Variants in LIN9 observed in about 807,000 individuals in gnomAD.
The protein encoded by LIN9 is protein lin-9 homolog.
A neutral mutation model predicts 78.0 loss-of-function variants in LIN9; 18 were observed. The observed-to-expected ratio is 0.23, with a 90% confidence interval of 0.16 to 0.34. The LOEUF is 0.34. LIN9 is among the 10% of genes least tolerant of loss of function. The pLI is 1.00. For synonymous variants in LIN9, 192 were observed against 215.2 expected (o/e 0.89, Z 0.94); for missense variants, 451 against 644.1 (o/e 0.70, Z 3.25).
intron 10 of LIN9, among the ~76,000 whole-genome samples, chr1:226,256,243 A>T (rs993578243): frequency 6.6e-6 from 1 of 151,974 alleles, no homozygotes; most frequent in South Asian, 2.1e-4. Context: ...GGAAAAAAAA[A>T]TCCTGAAAGA....
At chr1:226,290,904 G>A (rs1410203591) in intron 4 of LIN9, among the ~76,000 whole-genome samples, 1 of 151,940 alleles carries the variant, frequency 6.6e-6, no homozygotes, top group African/African-American at 2.4e-5. Flanking sequence ...CTACAGGCAC[G>A]TGCCGCCACA....
intron 6 of LIN9, 60 bp from the exon 7 acceptor site, chr1:226,277,992 C>CTT: frequency 1.5e-5 from 20 of 1,316,712 alleles, no homozygotes; most frequent in East Asian, 9.9e-5. Flanking sequence ...AACTTAAAAT[C>CTT]TTTTTTTTTT....
intron 7 of LIN9, among the ~76,000 whole-genome samples, chr1:226,275,173 T>A (rs1660560478): frequency 1.3e-5 from 2 of 152,350 alleles, no homozygotes; most frequent in South Asian, 4.1e-4. Flanking sequence ...ATGAACTTAT[T>A]TAGAGCATGT....
intron 10 of LIN9, among the ~76,000 whole-genome samples, chr1:226,257,164 G>A (rs546087230): frequency 1.3e-5 from 2 of 151,694 alleles, no homozygotes; most frequent in Admixed American, 6.6e-5. Flanking sequence ...TGGCCAGGCT[G>A]GTCTCGAACT....
intron 12 of LIN9, among the ~76,000 whole-genome samples, chr1:226,238,488 C>T (rs924650905): frequency 1.3e-5 from 2 of 151,900 alleles, no homozygotes; most frequent in Non-Finnish European, 2.9e-5. Context: ...CTGGGCATGT[C>T]GTGCACCTGT....
intron 8 of LIN9, among the ~76,000 whole-genome samples, chr1:226,267,318 A>ATATGTATGTATGTATGTATGTATG (rs139272484): frequency 0.01 from 1,461 of 140,890 alleles, 15 homozygotes; most frequent in East Asian, 0.033. Context: ...TATTATGTAT[A>ATATGTATGTATGTATGTATGTATG]TATGTATGTA....
At position 226,247,698 on chromosome 1, in the gene LIN9, G is replaced by T. The variant is rs368589207; in HGVS notation, c.1119+3141C>A. Among the ~76,000 whole-genome samples the T allele has an allele frequency of 3.5e-5, 5 of 143,836 alleles. No homozygotes were observed. The Admixed American group carries it at 3.6e-4, about 10-fold the overall frequency. The allele number at this position is 143,836 out of a possible 152,430, so 94.4% of individuals were successfully genotyped here. On this transcript the variant is annotated intron_variant, in intron 11 of 14. Transcript: ENST00000681046. ...TCTTTTTTTTTTTTTTTGAGACAGA[G>T]TCTCGCTCTGTTGCCCAGGCTAGAG...
chr1:226,251,913 T>C (rs749664609), intron 10 of LIN9, among the ~76,000 whole-genome samples: 3 of 152,168 alleles, frequency 2.0e-5, no homozygotes, highest in Non-Finnish European at 2.9e-5. Context: ...TGAAATCTTA[T>C]TGAATGAATG....
At chr1:226,309,243 C>G (rs1175981545), upstream of LIN9, 1 of 1,359,276 alleles carries the variant, frequency 7.4e-7, no homozygotes, top group Non-Finnish European at 9.7e-7. Context: ...TCGCTGCCCG[C>G]GGCGCCGCGC....
chr1:226,245,274 T>C (rs1367603927), intron 11 of LIN9, among the ~76,000 whole-genome samples: 1 of 152,190 alleles, frequency 6.6e-6, no homozygotes, highest in Non-Finnish European at 1.5e-5. Context: ...TATAGAAATA[T>C]GATTGGACAC....
intron 8 of LIN9, among the ~76,000 whole-genome samples, 186 bp downstream of exon 8, chr1:226,267,771 T>A (rs974156284): frequency 6.6e-6 from 1 of 152,178 alleles, no homozygotes; most frequent in African/African-American, 2.4e-5. Flanking sequence ...TGCTAGTTCC[T>A]GGCAAATGGA....
chr1:226,265,105 A>AATACCTGTT lies in LIN9; in HGVS notation c.1038+419_1038+427dup. Among the ~76,000 whole-genome samples, 1 of 152,206 alleles carries AATACCTGTT rather than the reference A, an allele frequency of 6.6e-6. No individual in the cohort carries two copies. Among genetic ancestry groups the AATACCTGTT allele is most frequent in the Admixed American group, 6.5e-5 (1 of 15,272 alleles). ...CTAATCACTAAGTACTTAGCAGGTG[A>AATACCTGTT]ATACCTGTTTCTAGTCTCTGAAAAG... On this transcript the variant is annotated intron_variant, in intron 10 of 14. Coordinates refer to ENST00000681046, the MANE Select transcript of LIN9 (RefSeq NM_001366245.2). The surrounding 1 kb of genome is among the most constrained non-coding windows in gnomAD (Gnocchi z 4.1).
chr1:226,261,337 A>G (rs1230274326), intron 10 of LIN9, among the ~76,000 whole-genome samples: 11 of 152,114 alleles, frequency 7.2e-5, no homozygotes, highest in Admixed American at 6.5e-4. Context: ...AAGGAAAAAA[A>G]CAACTATCTG....
At position 226,309,100 on chromosome 1, in the gene LIN9, G is replaced by A. The variant is rs1663118908; in HGVS notation, c.31+9C>T. The stretch of plus-strand genomic sequence containing the variant: ...GGAAAAGGGGGGGGTGCTTTGAGGT[G>A]CTACTCACTCTCGTCAGGCAACTGG... On this transcript the variant is annotated intron_variant, in intron 1 of 14. Transcript: ENST00000681046. 1.8e-5 allele frequency: 24 copies of A among 1,316,442 alleles called. No homozygotes were observed. Among genetic ancestry groups the A allele is most frequent in the Non-Finnish European group, 2.1e-5 (21 of 1,022,814 alleles). 81.5% of individuals were successfully genotyped at this position (1,316,442 alleles called of 1,614,324 possible).
chr1:226,238,292 A>G (rs934780381), intron 12 of LIN9, among the ~76,000 whole-genome samples: 9 of 152,206 alleles, frequency 5.9e-5, no homozygotes, highest in African/African-American at 2.2e-4. Flanking sequence ...TTAAAAAACA[A>G]AAACAAAAAA....
intron 11 of LIN9, among the ~76,000 whole-genome samples, chr1:226,247,674 C>CTTTT (rs35184021): frequency 7.2e-6 from 1 of 138,910 alleles, no homozygotes; most frequent in South Asian, 2.2e-4. Flanking sequence ...TGTTTTCTTT[C>CTTTT]TTTTTTTTTT....
intron 1 of LIN9, among the ~76,000 whole-genome samples, chr1:226,306,829 A>G (rs577412240): frequency 6.6e-6 from 1 of 152,206 alleles, no homozygotes; most frequent in Non-Finnish European, 1.5e-5. Flanking sequence ...CTCTAGTTTC[A>G]GTAATAATAC....
intron 1 of LIN9, among the ~76,000 whole-genome samples, chr1:226,304,288 A>T (rs1662758537): frequency 6.6e-6 from 1 of 152,176 alleles, no homozygotes; most frequent in Non-Finnish European, 1.5e-5. Context: ...AAGCATGATG[A>T]TTGGGTTTTC....
upstream of LIN9, chr1:226,309,697 C>A (rs536626046): frequency 3.8e-5 from 49 of 1,287,276 alleles, no homozygotes; most frequent in South Asian, 6.0e-4. Context: ...CCGCAGCAGC[C>A]CCCTGCGCGT....
Sources: gnomAD v4.1 joint callset for allele counts (sites outside exome capture counted in the v4.1 genomes callset) on GRCh38, gnomAD v4.1.1 for gene constraint, Gnocchi (gnomAD v3.1) non-coding constraint, MANE v1.5 for transcripts, NCBI Gene and HGNC (gene_info 2026-07-23, HGNC 2026-07-21) for gene names.